Variants in HIBCH observed in about 807,000 individuals in gnomAD.
The protein encoded by HIBCH is 3-hydroxyisobutyryl-CoA hydrolase.
Under a neutral mutation model 58.2 loss-of-function variants are expected in HIBCH, and 50 were observed. The ratio of observed to expected loss-of-function variants is 0.86; its 90% CI spans 0.68 to 1.09. The LOEUF is 1.09. HIBCH is among the 50% of genes least tolerant of loss of function. The probability of loss-of-function intolerance (pLI) is 0.00; values close to 1 mark genes in which losing one functional copy is unlikely to be tolerated. For synonymous variants in HIBCH, 151 were observed against 146.9 expected (o/e 1.03, Z -0.20); for missense variants, 450 against 449.7 (o/e 1.00, Z -0.01).
chr2:190,285,893 G>A (rs1575749123), intron 6 of HIBCH, among the ~76,000 whole-genome samples: 1 of 152,086 alleles, frequency 6.6e-6, no homozygotes, highest in East Asian at 1.9e-4. Flanking sequence ...TGTCACCCAG[G>A]CTGGAGTGCA....
intron 1 of HIBCH, among the ~76,000 whole-genome samples, chr2:190,319,047 A>T (rs1368566025): frequency 6.6e-6 from 1 of 152,184 alleles, no homozygotes; most frequent in Non-Finnish European, 1.5e-5. Flanking sequence ...TCTCCCTTCA[A>T]GTGGGCGCAG....
chr2:190,252,017 T>A lies in HIBCH; in HGVS notation c.663+145A>T, dbSNP rs186440203. 745 of 709,804 alleles carry A rather than the reference T, an allele frequency of 1.0e-3. 4 individuals carry two copies. The African/African-American group carries it at 0.012, about 11-fold the overall frequency. 44.0% of individuals were successfully genotyped at this position (709,804 alleles called of 1,614,324 possible). A position where few individuals can be genotyped will look rare whatever the true frequency, so the allele number is the denominator to read the frequency against. ...GAGAGCTTATGCACTTTCTCCAAGG[T>A]AACACAGCTATAAACTAATAGGTCC... On this transcript the variant is annotated intron_variant, in intron 8 of 13. Transcript: ENST00000359678.
chr2:190,274,314 C>CT (rs1322841033), intron 6 of HIBCH, among the ~76,000 whole-genome samples: 8 of 152,142 alleles, frequency 5.3e-5, no homozygotes, highest in African/African-American at 1.9e-4. Context: ...ACTGTTCATT[C>CT]TTTTTATGAA....
rs577957489 is a variant in HIBCH, at chr2:190,196,277, G to A, written c.*18-6280C>T. On this transcript the variant is annotated intron_variant, in intron 1 of 1. Transcript: ENST00000399855. ...ATCTTTTCCCTCCATTTTTCAGATT[G>A]GACACATCTATAGATTTATGTTCAA... Among the ~76,000 whole-genome samples the A allele has an allele frequency of 4.0e-5, 6 of 151,780 alleles. No individual in the cohort carries two copies. In the East Asian group the frequency reaches 1.2e-3, roughly 29 times the overall value.
chr2:190,289,186 T>TAC (rs1687903988), intron 5 of HIBCH, among the ~76,000 whole-genome samples: 1 of 152,136 alleles, frequency 6.6e-6, no homozygotes, highest in South Asian at 2.1e-4. Context: ...TAATGTTAAA[T>TAC]GAGTATACAG....
chr2:190,227,087 T>C (rs1021344168), intron 11 of HIBCH, among the ~76,000 whole-genome samples: 69 of 152,262 alleles, frequency 4.5e-4, no homozygotes, highest in Non-Finnish European at 4.4e-4. Context: ...ACTTTAAAGT[T>C]CATATGGAAC....
At chr2:190,253,921 C>T (rs1470752628) in intron 7 of HIBCH, among the ~76,000 whole-genome samples, 1 of 152,142 alleles carries the variant, frequency 6.6e-6, no homozygotes, top group Admixed American at 6.5e-5. Flanking sequence ...ACGTTCTTCT[C>T]TTCCAGGGTA....
intron 11 of HIBCH, among the ~76,000 whole-genome samples, chr2:190,221,460 A>G (rs886885884): frequency 6.6e-6 from 1 of 152,212 alleles, no homozygotes; most frequent in Admixed American, 6.5e-5. Context: ...ATACTTTAAC[A>G]TGTTTAATCA....
rs576904712 is a variant in HIBCH at position 190,194,288 on chromosome 2, CT to C, written c.*18-4292del. 2.4e-3 allele frequency among the ~76,000 whole-genome samples: 359 copies of C among 152,154 alleles called. 2 individuals carry two copies. The highest frequency in any genetic ancestry group is 8.1e-3 in the African/African-American group (335 of 41,542). ...ATGTTGTTCAGAACACGTATTTTTT[CT>C]TTGACTATTCTAGTAATGTTTTAAG... On this transcript the variant is annotated intron_variant, in intron 1 of 1. Coordinates refer to the HIBCH transcript ENST00000399855.
intron 6 of HIBCH, among the ~76,000 whole-genome samples, chr2:190,278,094 G>A (rs996561928): frequency 6.6e-6 from 1 of 152,086 alleles, no homozygotes; most frequent in Non-Finnish European, 1.5e-5. Context: ...TACAAAAATT[G>A]TTCCTAAAGT....
At chr2:190,205,888 T>C (rs1690378036) in intron 13 of HIBCH, among the ~76,000 whole-genome samples, 2 of 152,142 alleles carry the variant, frequency 1.3e-5, no homozygotes, top group Non-Finnish European at 2.9e-5. Flanking sequence ...GGGGGAGGAA[T>C]GTCCAGTATA....
intron 7 of HIBCH, among the ~76,000 whole-genome samples, chr2:190,253,740 A>C (rs1264916544): frequency 6.6e-6 from 1 of 152,182 alleles, no homozygotes; most frequent in African/African-American, 2.4e-5. Context: ...AAACACCTTT[A>C]TCAAAGTCTT....
intron 6 of HIBCH, among the ~76,000 whole-genome samples, chr2:190,278,085 A>T (rs1412867030): frequency 3.3e-5 from 5 of 152,232 alleles, no homozygotes; most frequent in Non-Finnish European, 1.5e-5. Context: ...TGAACACCTT[A>T]CAAAAATTGT....
At chr2:190,218,962 A>G (rs1685640082) in intron 11 of HIBCH, among the ~76,000 whole-genome samples, 1 of 152,202 alleles carries the variant, frequency 6.6e-6, no homozygotes, top group Non-Finnish European at 1.5e-5. Context: ...CCTAAACGTT[A>G]CTGGTAAGTC....
intron 2 of HIBCH, among the ~76,000 whole-genome samples, chr2:190,298,148 T>G (rs979112458): frequency 1.1e-4 from 16 of 152,194 alleles, no homozygotes; most frequent in African/African-American, 3.9e-4. Context: ...CTTTATCCAG[T>G]CTATTATTGA....
chr2:190,194,960 C>G (rs1689900576), intron 1 of HIBCH, among the ~76,000 whole-genome samples: 1 of 152,068 alleles, frequency 6.6e-6, no homozygotes, highest in African/African-American at 2.4e-5. Context: ...ACTCCTGGGC[C>G]CAAGTGACCT....
At chr2:190,228,954 C>A (rs997207456) in intron 11 of HIBCH, among the ~76,000 whole-genome samples, 1 of 152,150 alleles carries the variant, frequency 6.6e-6, no homozygotes, top group African/African-American at 2.4e-5. Flanking sequence ...TTGGGTAACA[C>A]CCCAAAGAAC....
In HIBCH at chr2:190,293,558, A is replaced by G. The variant is rs370376921; in HGVS notation, c.304+988T>C. 3.6e-3 allele frequency among the ~76,000 whole-genome samples: 544 copies of G among 152,328 alleles called. 3 individuals carry two copies. Among genetic ancestry groups the G allele is most frequent in the Middle Eastern group, 0.01 (3 of 294 alleles). ...GTTAACAGATCAGTTTAAGTAATCA[A>G]AGTTTTCATTAAACTGCAATTTTAA... On this transcript the variant is annotated intron_variant, in intron 4 of 13. Coordinates refer to ENST00000359678, the MANE Select transcript of HIBCH (RefSeq NM_014362.4).
intron 11 of HIBCH, among the ~76,000 whole-genome samples, chr2:190,237,305 C>G (rs986828696): frequency 1.4e-4 from 21 of 152,148 alleles, no homozygotes; most frequent in African/African-American, 5.1e-4. Flanking sequence ...AAAAATAAAG[C>G]CATACAATGA....
Sources: allele counts gnomAD v4.1 joint callset (sites outside exome capture counted in the v4.1 genomes callset), GRCh38; gene constraint gnomAD v4.1.1; transcripts MANE v1.5; gene names NCBI Gene and HGNC (gene_info 2026-07-23, HGNC 2026-07-21).